Variants in ANKS1A observed in about 807,000 individuals in gnomAD.
ANKS1A encodes ankyrin repeat and sterile alpha motif domain containing 1A.
A neutral mutation model predicts 120.3 loss-of-function variants in ANKS1A; 55 were observed. That is an observed-to-expected ratio of 0.46 (90% confidence interval 0.37 to 0.57). ANKS1A has a LOEUF of 0.57. ANKS1A is among the 20% of genes least tolerant of loss of function. The pLI is 0.00. For synonymous variants in ANKS1A, 590 were observed against 604.7 expected, an observed-to-expected ratio of 0.98 and a Z score of 0.36; for missense variants, 1,123 against 1,480.3, an observed-to-expected ratio of 0.76 and a Z score of 3.96.
Position 34,981,767 on chromosome 6 carries a change from G to A in ANKS1A, c.513G>A (p.Glu171=). Reference sequence around the variant, plus strand: ...AGGTGGTGAAGGTGCTCTTAGAGGAGCTGACGGACCCCACCATGCGCAACA... The same window carrying A: ...AGGTGGTGAAGGTGCTCTTAGAGGAACTGACGGACCCCACCATGCGCAACA... ...HTEVVKVLLE[E]LTDPTMRNNK... is the part of the protein sequence containing the mutation. The change falls in exon 4 of 24, where the codon GAG becomes GAA. Residue 171 remains glutamate, a synonymous_variant. Transcript: ENST00000360359. 6.2e-7 allele frequency: 1 copy of A among 1,614,170 alleles called. No individual in the cohort carries two copies. The highest frequency in any genetic ancestry group is 1.1e-5 in the South Asian group (1 of 91,082).
Position 35,086,034 on chromosome 6 carries a change from G to A in ANKS1A, c.3303+98G>A. On this transcript the variant is annotated intron_variant, in intron 22 of 23. Transcript: ENST00000360359. This position sits in a 1 kb window ranked among gnomAD's most constrained non-coding sequence, Gnocchi z 5.1. Reference sequence around the variant, plus strand: ...TGAGGAGGGTCTTCTGGCACTTCCAGAAAGCTGGCCCTCCAGGGAAATGAC... The same window carrying A: ...TGAGGAGGGTCTTCTGGCACTTCCAAAAAGCTGGCCCTCCAGGGAAATGAC... The A allele has an allele frequency of 1.4e-6, 2 of 1,436,228 alleles. No individual in the cohort carries two copies. Among genetic ancestry groups the A allele is most frequent in the South Asian group, 2.9e-5 (2 of 69,464 alleles). 89.0% of individuals were successfully genotyped at this position (1,436,228 alleles called of 1,614,324 possible).
Position 34,982,867 on chromosome 6 carries a change from G to C in ANKS1A, c.808+40G>C. ...GCGCTCTTGTCTACACAGCGTGCCA[G>C]GGTTGGGATTGTTTCTCCCTAGTCC... On this transcript the variant is annotated intron_variant, in intron 5 of 23. Transcript: ENST00000360359. This position sits in a 1 kb window ranked among gnomAD's most constrained non-coding sequence, Gnocchi z 4.9. The C allele has an allele frequency of 6.2e-7, 1 of 1,613,598 alleles. No homozygotes were observed. Among genetic ancestry groups the C allele is most frequent in the Admixed American group, 1.7e-5 (1 of 60,028 alleles).
intron 1 of ANKS1A, among the ~76,000 whole-genome samples, chr6:34,892,651 C>T (rs1259197942): frequency 6.6e-6 from 1 of 152,212 alleles, no homozygotes; most frequent in African/African-American, 2.4e-5. Flanking sequence ...TCTTACCCAT[C>T]CCTTTTCCTC....
intron 3 of ANKS1A, among the ~76,000 whole-genome samples, chr6:34,980,009 T>C (rs1163490298): frequency 6.6e-6 from 1 of 152,236 alleles, no homozygotes; most frequent in East Asian, 1.9e-4. Context: ...CTTAGGAAAC[T>C]CATGGCATAG....
At chr6:34,994,266 C>T in intron 9 of ANKS1A, 36 bp from the exon 10 acceptor site, 1 of 1,605,672 alleles carries the variant, frequency 6.2e-7, no homozygotes. Flanking sequence ...GTATTAGCCA[C>T]ATGCACAAGA....
rs767653239 is a variant in ANKS1A at position 35,058,427 on chromosome 6, A to G, written c.2078-1720A>G. The G allele has an allele frequency of 6.6e-6, 1 of 152,192 alleles. No homozygotes were observed. Among genetic ancestry groups the G allele is most frequent in the Non-Finnish European group, 1.5e-5 (1 of 68,024 alleles). 9.4% of individuals were successfully genotyped at this position (152,192 alleles called of 1,614,324 possible). A position where few individuals can be genotyped will look rare whatever the true frequency, so the allele number is the denominator to read the frequency against. On this transcript the variant is annotated intron_variant, in intron 12 of 23. Coordinates refer to ENST00000360359, the MANE Select transcript of ANKS1A (RefSeq NM_015245.3). The surrounding 1 kb of genome is among the most constrained non-coding windows in gnomAD (Gnocchi z 5.1). ...GCTCCTGGAGCAGACTTCCCCATTC[A>G]AGGGCAGGGGAGCTCAAGTATCCCC...
At chr6:35,087,080 A>C (rs775667568) in intron 23 of ANKS1A, 31 bp downstream of exon 23, 1 of 1,595,552 alleles carries the variant, frequency 6.3e-7, no homozygotes, top group Non-Finnish European at 8.6e-7. Flanking sequence ...AAAACAACCC[A>C]CTCCCTGTCT....
chr6:34,971,883 G>C (rs905951353), intron 3 of ANKS1A, among the ~76,000 whole-genome samples: 7 of 152,186 alleles, frequency 4.6e-5, no homozygotes, highest in Non-Finnish European at 8.8e-5. Context: ...GTGAGCAACA[G>C]ACATTTAAAA....
chr6:34,890,743 A>C (rs1029397026), intron 1 of ANKS1A, among the ~76,000 whole-genome samples: 3 of 152,314 alleles, frequency 2.0e-5, no homozygotes, highest in South Asian at 4.1e-4. Flanking sequence ...CAGCGCTTTC[A>C]TAGCCTGATT....
intron 13 of ANKS1A, among the ~76,000 whole-genome samples, chr6:35,063,533 G>A (rs1004315519): frequency 1.3e-5 from 2 of 152,220 alleles, no homozygotes; most frequent in African/African-American, 2.4e-5. Context: ...TGTCCCCCTT[G>A]TAGTGCTGAG....
At chr6:34,935,691 G>A (rs568173549) in intron 1 of ANKS1A, among the ~76,000 whole-genome samples, 4 of 152,296 alleles carry the variant, frequency 2.6e-5, no homozygotes, top group African/African-American at 9.6e-5. Flanking sequence ...AGCTTCATTG[G>A]TACTTAACGT....
rs1014526411 is a variant in ANKS1A, at chr6:35,082,708, C to A, written c.2727C>A (p.Ala909=). 4 of 1,611,762 alleles carry A rather than the reference C, an allele frequency of 2.5e-6. No individual in the cohort carries two copies. Among genetic ancestry groups the A allele is most frequent in the Non-Finnish European group, 3.4e-6 (4 of 1,179,028 alleles). Reference sequence around the variant, plus strand: ...TTTCGCAGGAGGAGCACCGTGAGGCCAAGCTGACCCTGCGGCCCCCGAGCC... The same window carrying A: ...TTTCGCAGGAGGAGCACCGTGAGGCAAAGCTGACCCTGCGGCCCCCGAGCC... ...RFRIQEEHRE[A]KLTLRPPSLA... is the part of the protein sequence containing the mutation. The change falls in exon 18 of 24, where the codon GCC becomes GCA. Residue 909 remains alanine, a synonymous_variant. Transcript: ENST00000360359. This position sits in a 1 kb window ranked among gnomAD's most constrained non-coding sequence, Gnocchi z 4.1.
At chr6:35,014,629 G>A (rs1773913996) in intron 10 of ANKS1A, among the ~76,000 whole-genome samples, 1 of 152,204 alleles carries the variant, frequency 6.6e-6, no homozygotes, top group Non-Finnish European at 1.5e-5. Context: ...CCCAGGCAGT[G>A]TGAGCCAGGC....
In ANKS1A at chr6:35,086,278, G is replaced by GC. The variant is rs1291714359; in HGVS notation, c.3303+348dup. 6.8e-6 allele frequency: 9 copies of GC among 1,330,826 alleles called. No homozygotes were observed. Among genetic ancestry groups the GC allele is most frequent in the African/African-American group, 1.5e-5 (1 of 67,442 alleles). The allele number at this position is 1,330,826 out of a possible 1,614,324, so 82.4% of individuals were successfully genotyped here. ...TTTGCTCTGCACCCCAGGTGCCGCT[G>GC]CCCCCCGATAGTCGCTGTTGTTACT... On this transcript the variant is annotated intron_variant, in intron 22 of 23. Transcript: ENST00000360359. The surrounding 1 kb of genome is among the most constrained non-coding windows in gnomAD (Gnocchi z 5.1).
At chr6:34,928,373 C>G (rs1335787146) in intron 1 of ANKS1A, among the ~76,000 whole-genome samples, 2 of 152,170 alleles carry the variant, frequency 1.3e-5, no homozygotes, top group South Asian at 2.1e-4. Context: ...CAGGAGCACT[C>G]TGTCACGGAA....
chr6:35,083,565 G>A, intron 20 of ANKS1A, 62 bp downstream of exon 20: 2 of 1,544,026 alleles, frequency 1.3e-6, no homozygotes, highest in Non-Finnish European at 1.8e-6. Context: ...GACCCACAGG[G>A]CTCCAGGGCA....
intron 1 of ANKS1A, among the ~76,000 whole-genome samples, chr6:34,905,733 C>T (rs1436572863): frequency 6.6e-6 from 1 of 151,960 alleles, no homozygotes; most frequent in Admixed American, 6.6e-5. Context: ...GCAAAATCTT[C>T]TCTCCCTCTT....
In ANKS1A at chr6:34,907,495, A is replaced by C. The variant is rs1767701060; in HGVS notation, c.197+17896A>C. On this transcript the variant is annotated intron_variant, in intron 1 of 23. Coordinates refer to ENST00000360359, the MANE Select transcript of ANKS1A (RefSeq NM_015245.3). ...TACACACACAGGTTTTGAATCCCAC[A>C]AACGCTATATTTTTTATCTGCGTTT... Among the ~76,000 whole-genome samples the C allele has an allele frequency of 2.0e-5, 3 of 152,176 alleles. No homozygotes were observed. In the South Asian group the frequency reaches 6.2e-4, roughly 31 times the overall value.
intron 1 of ANKS1A, among the ~76,000 whole-genome samples, chr6:34,908,437 G>A (rs1767744025): frequency 6.6e-6 from 1 of 152,190 alleles, no homozygotes; most frequent in African/African-American, 2.4e-5. Context: ...ATCGTCATGG[G>A]ATTGGATGCT....
Sources: gnomAD v4.1 joint callset for allele counts (sites outside exome capture counted in the v4.1 genomes callset) on GRCh38, gnomAD v4.1.1 for gene constraint, Gnocchi (gnomAD v3.1) non-coding constraint, MANE v1.5 for transcripts, NCBI Gene and HGNC (gene_info 2026-07-23, HGNC 2026-07-21) for gene names.